TSN: variants seen among roughly 807,000 people sequenced by gnomAD.
TSN encodes component 3 of promoter of RISC.
A neutral mutation model predicts 29.4 loss-of-function variants in TSN; 5 were observed. That is an observed-to-expected ratio of 0.17 (90% CI 0.09 to 0.36). The LOEUF (loss-of-function observed/expected upper bound fraction) is 0.36, where lower values mean the gene tolerates loss of function less well. Among genes scored for constraint, TSN ranks in the 10% least tolerant of loss-of-function variants. The pLI is 1.00. For synonymous variants in TSN, 106 were observed against 102.2 expected, an observed-to-expected ratio of 1.04 and a Z score of -0.23; for missense variants, 159 against 272.8, an observed-to-expected ratio of 0.58 and a Z score of 2.94.
intron 3 of TSN, among the ~76,000 whole-genome samples, chr2:121,759,085 A>G (rs940743840): frequency 6.6e-5 from 10 of 152,220 alleles, no homozygotes; most frequent in African/African-American, 1.4e-4. Context: ...TCTTTTTGCT[A>G]TATTCAAGTT....
chr2:121,764,481 C>G (rs7565841), intron 5 of TSN, among the ~76,000 whole-genome samples: 15,840 of 151,854 alleles, frequency 0.1, 2,219 homozygotes, highest in African/African-American at 0.32. Flanking sequence ...CGTATGTTGA[C>G]AGTGCACTAA....
At chr2:121,756,738 C>T in intron 1 of TSN, 1 of 622,240 alleles carries the variant, frequency 1.6e-6, no homozygotes, top group Non-Finnish European at 2.4e-6. Context: ...AACCCTGTCT[C>T]TACTAAAAAT....
intron 1 of TSN, chr2:121,756,503 T>A: frequency 4.5e-6 from 2 of 443,252 alleles, no homozygotes; most frequent in Non-Finnish European, 7.9e-6. Context: ...TTTAAAAAAA[T>A]CTTCTCCCTC....
chr2:121,762,084 C>T (rs1329030551), intron 4 of TSN, among the ~76,000 whole-genome samples: 2 of 152,062 alleles, frequency 1.3e-5, no homozygotes, highest in Non-Finnish European at 2.9e-5. Context: ...CCTCCACCTC[C>T]TGGGTTCAAG....
At position 121,755,665 on chromosome 2, in the gene TSN, A is replaced by T. The variant is rs1455141446; in HGVS notation, c.-115A>T. The T allele has an allele frequency of 1.4e-6, 2 of 1,421,398 alleles. No individual in the cohort carries two copies. The highest frequency in any genetic ancestry group is 1.2e-5 in the South Asian group (1 of 85,362). The allele number at this position is 1,421,398 out of a possible 1,614,324, so 88.0% of individuals were successfully genotyped here. On this transcript the variant is annotated 5_prime_UTR_variant, in exon 1 of 6. Transcript: ENST00000389682. ...ACCCTAGCGACGGTCGTGGCGTAAGACCGGGGGGACGCGGCGGTAGCGGCG... is the reference window on the plus strand; with the variant it reads ...ACCCTAGCGACGGTCGTGGCGTAAGTCCGGGGGGACGCGGCGGTAGCGGCG...
rs747678750 is a variant in TSN at position 121,758,770 on chromosome 2, C to A, written c.221C>A (p.Ser74Tyr). Residue 74 changes from serine to tyrosine, a missense_variant, in exon 3 of 6, where the codon TCT becomes TAT. Transcript: ENST00000389682. ...HFGTVKTHLT[S>Y]LKTKFPAEQY... ...GGTACAGTAAAAACACATCTAACAT[C>A]TTTGAAGACCAAATTTCCTGCTGAA... The A allele has an allele frequency of 6.3e-7, 1 of 1,593,318 alleles. No homozygotes were observed. Among genetic ancestry groups the A allele is most frequent in the Non-Finnish European group, 8.5e-7 (1 of 1,171,498 alleles).
In TSN at chr2:121,765,305, G is replaced by T. The variant is rs1441568864; in HGVS notation, c.625G>T (p.Val209Phe). The change falls in exon 6 of 6, where the codon GTC (valine) becomes TTC (phenylalanine). Residue 209 changes from valine to phenylalanine, a missense_variant. Coordinates refer to ENST00000389682, the MANE Select transcript of TSN (RefSeq NM_004622.3). ...KYDVKKVEEV[V>F]YDLSIRGFNK... The stretch of plus-strand genomic sequence containing the variant: ...TGACGTGAAGAAAGTAGAGGAAGTG[G>T]TCTATGATCTCTCCATCCGGGGCTT... 6.2e-7 allele frequency: 1 copy of T among 1,614,212 alleles called. No homozygotes were observed. The highest frequency in any genetic ancestry group is 8.5e-7 in the Non-Finnish European group (1 of 1,180,040).
chr2:121,757,132 G>T, intron 1 of TSN, 108 bp from the exon 2 acceptor site: 1 of 1,014,406 alleles, frequency 9.9e-7, no homozygotes, highest in Non-Finnish European at 1.4e-6. Context: ...GAAAAGTCAG[G>T]ATTCAAACTT....
At position 121,767,055 on chromosome 2, in the gene TSN, A is replaced by G. The variant is rs2074911425; in HGVS notation, c.*1688A>G. ...TTTTAAATTAGATCATCCCACAGACAATACGTTTGATAATAGTTTTTTCTT... is the reference window on the plus strand; with the variant it reads ...TTTTAAATTAGATCATCCCACAGACGATACGTTTGATAATAGTTTTTTCTT... On this transcript the variant is annotated 3_prime_UTR_variant, in exon 6 of 6. Coordinates refer to ENST00000389682, the MANE Select transcript of TSN (RefSeq NM_004622.3). The G allele has an allele frequency of 1.3e-5, 2 of 152,214 alleles. No individual in the cohort carries two copies. The highest frequency in any genetic ancestry group is 4.8e-5 in the African/African-American group (2 of 41,456). The allele number at this position is 152,214 out of a possible 1,614,324, so 9.4% of individuals were successfully genotyped here. A position where few individuals can be genotyped will look rare whatever the true frequency, so the allele number is the denominator to read the frequency against.
intron 1 of TSN, 156 bp downstream of exon 1, chr2:121,756,001 C>T (rs1269504969): frequency 1.2e-5 from 17 of 1,452,956 alleles, no homozygotes; most frequent in Non-Finnish European, 1.5e-5. Context: ...CCCGCCCCCG[C>T]CCAAAATTTT....
At chr2:121,763,310 T>C (rs1217150841) in intron 5 of TSN, among the ~76,000 whole-genome samples, 1 of 151,162 alleles carries the variant, frequency 6.6e-6, no homozygotes, top group Non-Finnish European at 1.5e-5. Flanking sequence ...ACCCGGCTAA[T>C]TTTTTTTTGT....
rs753461186 is a variant in TSN, at chr2:121,762,993, T to C, written c.374-12T>C. 1.3e-6 allele frequency: 2 copies of C among 1,599,484 alleles called. No individual in the cohort carries two copies. The highest frequency in any genetic ancestry group is 1.7e-4 in the Middle Eastern group (1 of 6,040). On this transcript the variant is annotated splice_polypyrimidine_tract_variant and intron_variant, in intron 4 of 5. Transcript: ENST00000389682. ...CATTCACAGCATGACTTTATTTTCA[T>C]GTGTTTTTTAGTTGAGCCAGATCGG...
rs201310679 is a variant in TSN, at chr2:121,765,265, C to T, written c.585C>T (p.Tyr195=). 128 of 1,614,192 alleles carry T rather than the reference C, an allele frequency of 7.9e-5. No homozygotes were observed. The highest frequency in any genetic ancestry group is 1.3e-4 in the African/African-American group (10 of 75,054). Residue 195 remains tyrosine (Y), a synonymous_variant, in exon 6 of 6, where the codon TAC becomes TAT. Coordinates refer to ENST00000389682, the MANE Select transcript of TSN (RefSeq NM_004622.3). ...NLKNDSLRKR[Y]DGLKYDVKKV... ...AAAATGACTCCCTGAGGAAGCGCTA[C>T]GACGGATTGAAATATGACGTGAAGA...
rs1331666568 is a variant in TSN, at chr2:121,765,200, A to G, written c.520A>G (p.Ile174Val). 1 of 1,614,100 alleles carries G rather than the reference A, an allele frequency of 6.2e-7. No individual in the cohort carries two copies. Among genetic ancestry groups the G allele is most frequent in the Non-Finnish European group, 8.5e-7 (1 of 1,180,064 alleles). ...CCGACCCCTCCACATCTCCACCTTC[A>G]TCAATGAGCTGGATTCCGGTTTTCG... Reference protein sequence around the residue: ...YSRPLHISTFINELDSGFRLL... With the variant: ...YSRPLHISTFVNELDSGFRLL... The change falls in exon 6 of 6, where the codon ATC becomes GTC. Residue 174 changes from isoleucine (I) to valine (V), a missense_variant. Ile to Val is a conservative substitution (Grantham distance 29). This residue lies in a region of TSN where 85 missense variants were observed against 178.1 expected (regional missense o/e 0.48). Coordinates refer to ENST00000389682, the MANE Select transcript of TSN (RefSeq NM_004622.3).
chr2:121,757,123 A>G, intron 1 of TSN, 117 bp from the exon 2 acceptor site: 1 of 931,058 alleles, frequency 1.1e-6, no homozygotes, highest in Non-Finnish European at 1.6e-6. Context: ...AAATAAGTGG[A>G]AAAGTCAGGA....
At position 121,765,464 on chromosome 2, in the gene TSN, A is replaced by G. The variant is rs2074889963; in HGVS notation, c.*97A>G. 5 of 1,087,528 alleles carry G rather than the reference A, an allele frequency of 4.6e-6. No individual in the cohort carries two copies. The South Asian group carries it at 7.1e-5, about 15-fold the overall frequency. The allele number at this position is 1,087,528 out of a possible 1,614,324, so 67.4% of individuals were successfully genotyped here. The stretch of plus-strand genomic sequence containing the variant: ...ACGGTAGTTAGGATGCTCAGTTGCT[A>G]AACACTGCGCTTTATTTTCTTAACC... On this transcript the variant is annotated 3_prime_UTR_variant, in exon 6 of 6. Coordinates refer to ENST00000389682, the MANE Select transcript of TSN (RefSeq NM_004622.3).
chr2:121,759,006 C>T (rs921319427), intron 3 of TSN, among the ~76,000 whole-genome samples, 200 bp downstream of exon 3: 5 of 151,964 alleles, frequency 3.3e-5, no homozygotes, highest in Admixed American at 6.6e-5. Flanking sequence ...TCTTAAGGAA[C>T]ATGTATTACT....
At chr2:121,761,852 C>CT (rs2074833413) in intron 4 of TSN, among the ~76,000 whole-genome samples, 5 of 151,694 alleles carry the variant, frequency 3.3e-5, no homozygotes, top group African/African-American at 1.2e-4. Context: ...GACAGAGTCT[C>CT]TGTCGCCCAG....
rs1179038621 is a variant in TSN, at chr2:121,766,293, A to G, written c.*926A>G. On this transcript the variant is annotated 3_prime_UTR_variant, in exon 6 of 6. Coordinates refer to ENST00000389682, the MANE Select transcript of TSN (RefSeq NM_004622.3). ...AAATGCTTTGCTTTGTCTGGAAGAA[A>G]GATAAAATAGTGAATTATAAATAAG... The G allele has an allele frequency of 6.6e-6, 1 of 152,218 alleles. No homozygotes were observed. Among genetic ancestry groups the G allele is most frequent in the African/African-American group, 2.4e-5 (1 of 41,448 alleles). The allele number at this position is 152,218 out of a possible 1,614,324, so 9.4% of individuals were successfully genotyped here. A position where few individuals can be genotyped will look rare whatever the true frequency, so the allele number is the denominator to read the frequency against.
Sources: allele counts gnomAD v4.1 joint callset (sites outside exome capture counted in the v4.1 genomes callset), GRCh38; gene constraint gnomAD v4.1.1; regional missense constraint gnomAD v4.1.1; transcripts MANE v1.5; gene names NCBI Gene and HGNC (gene_info 2026-07-23, HGNC 2026-07-21).